The following DIP2C variants were observed in gnomAD, a reference collection of about 807,000 sequenced individuals.
The protein encoded by DIP2C is DIP2 acetate--CoA ligase C (putative).
Under a neutral mutation model 192.4 loss-of-function variants are expected in DIP2C, and 33 were observed. The ratio of observed to expected loss-of-function variants is 0.17; its 90% CI spans 0.13 to 0.23. The LOEUF is 0.23. Among genes scored for constraint, DIP2C ranks in the 10% least tolerant of loss-of-function variants. The pLI, the probability that DIP2C is intolerant of heterozygous loss-of-function variation, is 1.00. For synonymous variants in DIP2C, 979 were observed against 864.1 expected, an observed-to-expected ratio of 1.13 and a Z score of -2.33; for missense variants, 1,537 against 2,110.1, an observed-to-expected ratio of 0.73 and a Z score of 5.32.
chr10:400,186 C>T (rs963188738), intron 9 of DIP2C, among the ~76,000 whole-genome samples: 2 of 150,370 alleles, frequency 1.3e-5, no homozygotes, highest in Admixed American at 6.6e-5. Flanking sequence ...CTGCATGCAG[C>T]TAATTTTTAA....
chr10:374,737 C>T (rs1961371139), intron 17 of DIP2C, among the ~76,000 whole-genome samples: 1 of 152,190 alleles, frequency 6.6e-6, no homozygotes, highest in South Asian at 2.1e-4. Context: ...TTATCTCCAT[C>T]AACACCTTGC....
intron 1 of DIP2C, among the ~76,000 whole-genome samples, chr10:512,801 C>T (rs1048946207): frequency 6.6e-6 from 1 of 151,536 alleles, no homozygotes; most frequent in African/African-American, 2.4e-5. Flanking sequence ...GTAATCCCAG[C>T]TACTAGGGAG....
chr10:365,144 G>C, intron 19 of DIP2C: 1 of 406,094 alleles, frequency 2.5e-6, no homozygotes. Context: ...TTTGTATCCA[G>C]CTCAGTTTCG....
intron 3 of DIP2C, among the ~76,000 whole-genome samples, chr10:457,254 C>T (rs1022566084): frequency 1.3e-5 from 2 of 152,204 alleles, no homozygotes; most frequent in African/African-American, 4.8e-5. Flanking sequence ...TGTCTCACTT[C>T]TCCCTTCTGT....
chr10:416,537 A>G (rs1965646826), intron 6 of DIP2C, among the ~76,000 whole-genome samples: 1 of 152,106 alleles, frequency 6.6e-6, no homozygotes, highest in Non-Finnish European at 1.5e-5. Context: ...ACAGAAGTTA[A>G]AGTCTCTAAA....
At chr10:285,144 G>A (rs922262327) in intron 34 of DIP2C, among the ~76,000 whole-genome samples, 1 of 120,342 alleles carries the variant, frequency 8.3e-6, no homozygotes, top group Non-Finnish European at 1.7e-5. Flanking sequence ...GAGAGGTCAA[G>A]TGAGGGGCCA....
At chr10:388,528 TAAACAA>T in intron 13 of DIP2C, among the ~76,000 whole-genome samples, 1 of 152,122 alleles carries the variant, frequency 6.6e-6, no homozygotes, top group African/African-American at 2.4e-5. Flanking sequence ...TGGCCAAAAG[TAAACAA>T]CCTAAGTTCC....
rs199707446 is a variant in DIP2C, at chr10:364,490, G to A, written c.2361C>T (p.Val787=). 1 of 1,614,158 alleles carries A rather than the reference G, an allele frequency of 6.2e-7. No homozygotes were observed. Among genetic ancestry groups the A allele is most frequent in the Admixed American group, 1.7e-5 (1 of 60,028 alleles). The change falls in exon 20 of 37, where the codon GTC becomes GTT. Residue 787 remains valine (V), a synonymous_variant. Transcript: ENST00000280886. ...LLGFVGPGGL[V]FVVGKMDGLM... is the part of the protein sequence containing the mutation. ...GGCCATCCATCTTGCCCACCACGAA[G>A]ACGAGGCCTCCGGGACCCACGAACC...
chr10:370,366 G>A (rs1296557877), intron 17 of DIP2C, among the ~76,000 whole-genome samples: 1 of 152,186 alleles, frequency 6.6e-6, no homozygotes, highest in African/African-American at 2.4e-5. Context: ...GGGCTTCTGT[G>A]CTGGTTCTCG....
chr10:319,626 T>C (rs1956921838), intron 31 of DIP2C, among the ~76,000 whole-genome samples: 1 of 152,240 alleles, frequency 6.6e-6, no homozygotes, highest in African/African-American at 2.4e-5. Flanking sequence ...TGACACCTTC[T>C]AATAATACTA....
At chr10:525,668 T>A (rs1847006466) in intron 1 of DIP2C, among the ~76,000 whole-genome samples, 1 of 152,140 alleles carries the variant, frequency 6.6e-6, no homozygotes, top group Non-Finnish European at 1.5e-5. Flanking sequence ...CAGGGTAGGA[T>A]AACAGGCCTT....
At chr10:681,083 G>A (rs201477829) in intron 1 of DIP2C, among the ~76,000 whole-genome samples, 136 of 149,204 alleles carry the variant, frequency 9.1e-4, no homozygotes, top group Non-Finnish European at 4.9e-4. Context: ...GGCCCCAGTT[G>A]CATGGTACAG....
At chr10:619,239 T>A (rs1853676140) in intron 1 of DIP2C, among the ~76,000 whole-genome samples, 1 of 152,222 alleles carries the variant, frequency 6.6e-6, no homozygotes, top group Admixed American at 6.5e-5. Flanking sequence ...GTTTTACTAC[T>A]TCTCTATTAA....
chr10:348,547 AG>A (rs1958631791), intron 26 of DIP2C, 93 bp downstream of exon 26: 1 of 1,539,706 alleles, frequency 6.5e-7, no homozygotes, highest in African/African-American at 1.4e-5. Flanking sequence ...TTCCACAGCC[AG>A]CAGCTGCCCC....
rs147175925 is a variant in DIP2C, at chr10:687,518, G to GA, written c.85+1975dup. ...GATCTCAGCAAGATTCATGTGGAAG[G>GA]AAAAATATAATTAGGCTTCCTGCAT... On this transcript the variant is annotated intron_variant, in intron 1 of 36. Transcript: ENST00000280886. Among the ~76,000 whole-genome samples, 1,192 of 152,260 alleles carry GA rather than the reference G, an allele frequency of 7.8e-3. 9 individuals carry two copies. The highest frequency in any genetic ancestry group is 0.02 in the African/African-American group (836 of 41,542).
intron 1 of DIP2C, among the ~76,000 whole-genome samples, chr10:640,077 G>A (rs1169729030): frequency 6.6e-6 from 1 of 151,266 alleles, no homozygotes; most frequent in Non-Finnish European, 1.5e-5. Flanking sequence ...GTCCCTCCAC[G>A]CATCTCCACG....
At chr10:344,957 C>G (rs752354862) in intron 27 of DIP2C, 39 bp from the exon 28 acceptor site, 2 of 1,605,068 alleles carry the variant, frequency 1.2e-6, no homozygotes, top group South Asian at 2.2e-5. Flanking sequence ...CCAGCCTGAG[C>G]AAGGCCGTGA....
chr10:396,834 G>C (rs541088843), intron 10 of DIP2C, among the ~76,000 whole-genome samples: 14 of 62,886 alleles, frequency 2.2e-4, no homozygotes, highest in South Asian at 1.9e-3. Flanking sequence ...GGTGGGGGGG[G>C]GGGAAACTGG....
intron 1 of DIP2C, among the ~76,000 whole-genome samples, chr10:645,968 A>T (rs1309212994): frequency 1.3e-5 from 2 of 152,228 alleles, no homozygotes; most frequent in Non-Finnish European, 2.9e-5. Context: ...AGCATATTGT[A>T]TCATTACTCT....
Sources: allele counts gnomAD v4.1 joint callset (sites outside exome capture counted in the v4.1 genomes callset), GRCh38; gene constraint gnomAD v4.1.1; transcripts MANE v1.5; gene names NCBI Gene and HGNC (gene_info 2026-07-23, HGNC 2026-07-21).